The following RABGEF1 variants were observed in gnomAD, a reference collection of about 807,000 sequenced individuals.
RABGEF1 encodes rab5 GDP/GTP exchange factor.
Under a neutral mutation model 57.3 loss-of-function variants are expected in RABGEF1, and 26 were observed. The ratio of observed to expected loss-of-function variants is 0.45; its 90% confidence interval spans 0.33 to 0.63. The LOEUF (loss-of-function observed/expected upper bound fraction) is 0.63, where lower values mean the gene tolerates loss of function less well. Ranked by LOEUF, RABGEF1 falls within the 20% of genes least tolerant of loss-of-function variation. The pLI, the probability that RABGEF1 is intolerant of heterozygous loss-of-function variation, is 0.02. For missense variants in RABGEF1, 464 were observed against 607.6 expected (o/e 0.76, Z 2.48); for synonymous variants, 185 against 210.7 (o/e 0.88, Z 1.06).
upstream of RABGEF1, among the ~76,000 whole-genome samples, chr7:66,737,051 G>GGAGGGA (rs1182515694): frequency 9.4e-3 from 1,179 of 124,960 alleles, 14 homozygotes; most frequent in African/African-American, 0.03. Context: ...ATATGAGGGG[G>GGAGGGA]GAGAGAGAGA....
At chr7:66,770,252 T>G (rs1806771446) in intron 1 of RABGEF1, 2 of 152,206 alleles carry the variant, frequency 1.3e-5, no homozygotes, top group Admixed American at 1.3e-4. Flanking sequence ...GGGCTTAATT[T>G]TATCTGCACA....
At chr7:66,799,281 G>A (rs150276230) in intron 6 of RABGEF1, 42 bp from the exon 7 acceptor site, 3 of 1,516,116 alleles carry the variant, frequency 2.0e-6, no homozygotes, top group East Asian at 4.5e-5. Context: ...AATGGCCACA[G>A]TTTATCCTTG....
intron 4 of RABGEF1, among the ~76,000 whole-genome samples, chr7:66,788,303 G>C (rs1811714046): frequency 6.6e-6 from 1 of 151,998 alleles, no homozygotes; most frequent in South Asian, 2.1e-4. Context: ...AAATTAGCTG[G>C]GCATGGTGGC....
At chr7:66,759,350 T>C (rs965259458) in intron 1 of RABGEF1, among the ~76,000 whole-genome samples, 3 of 152,196 alleles carry the variant, frequency 2.0e-5, no homozygotes, top group Non-Finnish European at 2.9e-5. Context: ...AAGCGTCTTC[T>C]CCCAGCAGAG....
chr7:66,743,037 C>A (rs540162572), intron 1 of RABGEF1, among the ~76,000 whole-genome samples: 4 of 152,088 alleles, frequency 2.6e-5, no homozygotes, highest in African/African-American at 9.7e-5. Flanking sequence ...TGGCCAGGCG[C>A]GGTGGCTCAC....
chr7:66,743,564 C>T (rs901962522), intron 1 of RABGEF1, among the ~76,000 whole-genome samples: 8 of 151,632 alleles, frequency 5.3e-5, no homozygotes, highest in Admixed American at 2.6e-4. Context: ...TGCAGTGGCG[C>T]GATCTCGGCT....
chr7:66,703,656 T>C (rs1248774236), intron 1 of RABGEF1, among the ~76,000 whole-genome samples: 1 of 152,238 alleles, frequency 6.6e-6, no homozygotes, highest in Non-Finnish European at 1.5e-5. Flanking sequence ...TTGGTCTATA[T>C]GTCTGTCCTT....
chr7:66,786,146 G>A (rs540033607), intron 4 of RABGEF1, among the ~76,000 whole-genome samples: 6 of 152,228 alleles, frequency 3.9e-5, no homozygotes, highest in African/African-American at 1.4e-4. Flanking sequence ...CATCATTTCT[G>A]TTTTCTCCAA....
chr7:66,685,241 C>A (rs1790432885), intron 1 of RABGEF1, among the ~76,000 whole-genome samples: 1 of 149,358 alleles, frequency 6.7e-6, no homozygotes, highest in Non-Finnish European at 1.5e-5. Flanking sequence ...ACAACCTCCA[C>A]CTCCTGGGTT....
intron 1 of RABGEF1, among the ~76,000 whole-genome samples, chr7:66,686,097 C>A (rs999508174): frequency 9.9e-5 from 15 of 152,036 alleles, no homozygotes; most frequent in African/African-American, 3.4e-4. Context: ...TGGATCAAGA[C>A]TGCGAAACCC....
chr7:66,749,960 C>A (rs575270215), intron 1 of RABGEF1, among the ~76,000 whole-genome samples: 1 of 152,048 alleles, frequency 6.6e-6, no homozygotes, highest in African/African-American at 2.4e-5. Context: ...GGCGACAGAG[C>A]GAGACTCCAT....
chr7:66,712,672 A>C (rs189786784), intron 2 of RABGEF1, among the ~76,000 whole-genome samples: 1 of 152,074 alleles, frequency 6.6e-6, no homozygotes, highest in South Asian at 2.1e-4. Flanking sequence ...GGGTTTCACC[A>C]TGTTACCCAG....
intron 1 of RABGEF1, among the ~76,000 whole-genome samples, chr7:66,751,057 C>T (rs1801302226): frequency 7.1e-6 from 1 of 140,376 alleles, no homozygotes; most frequent in Non-Finnish European, 1.5e-5. Flanking sequence ...GAGACGGAGT[C>T]TCTCACATTG....
intron 7 of RABGEF1, 151 bp from the exon 8 acceptor site, chr7:66,804,989 A>G: frequency 4.6e-6 from 4 of 873,642 alleles, no homozygotes; most frequent in East Asian, 2.7e-5. Flanking sequence ...GTATGAGATC[A>G]TATTTACTAA....
chr7:66,804,606 G>A (rs1788015649), intron 7 of RABGEF1, among the ~76,000 whole-genome samples: 1 of 152,082 alleles, frequency 6.6e-6, no homozygotes, highest in Admixed American at 6.6e-5. Context: ...GTGGTGGCGG[G>A]CATCTGTAAT....
intron 1 of RABGEF1, among the ~76,000 whole-genome samples, chr7:66,703,137 C>A (rs941148840): frequency 1.3e-5 from 2 of 152,084 alleles, no homozygotes; most frequent in African/African-American, 4.8e-5. Context: ...CCATGCCTGG[C>A]TAATTTTTTT....
intron 4 of RABGEF1, among the ~76,000 whole-genome samples, chr7:66,792,717 A>G (rs914120299): frequency 6.6e-6 from 1 of 152,224 alleles, no homozygotes; most frequent in Non-Finnish European, 1.5e-5. Context: ...TCTATGGAGA[A>G]TTGTCTTCAG....
intron 7 of RABGEF1, among the ~76,000 whole-genome samples, chr7:66,803,354 G>A (rs1424396969): frequency 6.6e-6 from 1 of 152,204 alleles, no homozygotes. Context: ...CCCACCGCCT[G>A]GCCAGAGTCT....
intron 2 of RABGEF1, among the ~76,000 whole-genome samples, chr7:66,718,129 G>A (rs2707823): frequency 0.1 from 15,664 of 152,152 alleles, 985 homozygotes; most frequent in South Asian, 0.2. Context: ...GATCACCTGA[G>A]GCCAGGAGTT....
Sources: gnomAD v4.1 joint callset for allele counts (sites outside exome capture counted in the v4.1 genomes callset) on GRCh38, gnomAD v4.1.1 for gene constraint, MANE v1.5 for transcripts, NCBI Gene and HGNC (gene_info 2026-07-23, HGNC 2026-07-21) for gene names.